PCDH11X: variants seen among roughly 807,000 people sequenced by gnomAD.
The protein encoded by PCDH11X is protocadherin 11 X-linked.
Under a neutral mutation model 53.3 loss-of-function variants are expected in PCDH11X, and 18 were observed. That is an observed-to-expected ratio of 0.34 (90% CI 0.23 to 0.50). The LOEUF (loss-of-function observed/expected upper bound fraction) is 0.50. PCDH11X is among the 20% of genes least tolerant of loss of function. PCDH11X has a pLI of 0.98. For synonymous variants in PCDH11X, 279 were observed against 393.3 expected (o/e 0.71, Z 3.44); for missense variants, 570 against 1,032.4 (o/e 0.55, Z 6.14).
intron 6 of PCDH11X, among the ~76,000 whole-genome samples, chrX:92,114,957 C>T (rs1434175212): frequency 2.7e-5 from 3 of 110,534 alleles, no homozygotes; most frequent in Admixed American, 2.0e-4. Flanking sequence ...TCAGCCTCCC[C>T]GAGTAGCTGG....
chrX:91,965,809 T>G (rs1484929666), intron 6 of PCDH11X, among the ~76,000 whole-genome samples: 3 of 111,997 alleles, frequency 2.7e-5, no homozygotes, highest in Non-Finnish European at 5.6e-5. Context: ...TTTCTCTAAT[T>G]TTTAGAAGCC....
intron 4 of PCDH11X, among the ~76,000 whole-genome samples, chrX:91,817,424 T>C (rs1409905972): frequency 9.5e-6 from 1 of 105,668 alleles, no homozygotes; most frequent in Non-Finnish European, 1.9e-5. Flanking sequence ...TTTAATTTTA[T>C]ACCTTTTTTG....
intron 8 of PCDH11X, among the ~76,000 whole-genome samples, chrX:92,332,386 G>GTGTGTGCATGCATGCACACA (rs201174468): frequency 0.021 from 2,328 of 111,372 alleles, 72 homozygotes; most frequent in African/African-American, 0.07. Context: ...ATAGGTGTGT[G>GTGTGTGCATGCATGCACACA]TGTGTGCATG....
intron 6 of PCDH11X, among the ~76,000 whole-genome samples, chrX:91,903,558 AT>A (rs1409768866): frequency 9.3e-6 from 1 of 108,021 alleles, no homozygotes; most frequent in South Asian, 4.0e-4. Flanking sequence ...ATTCATTCAT[AT>A]TTTTTTATAG....
chrX:92,212,700 G>A (rs934013785), intron 7 of PCDH11X, among the ~76,000 whole-genome samples: 5 of 112,044 alleles, frequency 4.5e-5, no homozygotes, highest in African/African-American at 1.6e-4. Flanking sequence ...ATTCACTGGG[G>A]TCACAAAATA....
At chrX:92,585,713 G>A (rs1386238722) in intron 10 of PCDH11X, among the ~76,000 whole-genome samples, 2 of 110,920 alleles carry the variant, frequency 1.8e-5, no homozygotes, top group East Asian at 5.7e-4. Context: ...TAAACCCAAA[G>A]CATGAGAACA....
At chrX:91,907,412 C>CACACAGAGAGAGAGAGAG (rs756926383) in intron 6 of PCDH11X, among the ~76,000 whole-genome samples, 17 of 57,469 alleles carry the variant, frequency 3.0e-4, no homozygotes, top group Admixed American at 4.5e-4. Context: ...CACACACACA[C>CACACAGAGAGAGAGAGAG]AGAGAGAGAG....
At chrX:92,403,339 G>GTTTTTTTTTTTTT (rs1191277649) in intron 9 of PCDH11X, among the ~76,000 whole-genome samples, 57 of 49,341 alleles carry the variant, frequency 1.2e-3, no homozygotes, top group African/African-American at 3.4e-3. Context: ...GTTTTTTTTT[G>GTTTTTTTTTTTTT]TTTTTTTTTT....
chrX:92,247,733 G>A (rs757482362), intron 7 of PCDH11X, among the ~76,000 whole-genome samples: 13 of 111,705 alleles, frequency 1.2e-4, no homozygotes, highest in Non-Finnish European at 1.7e-4. Context: ...GACGTCAGTC[G>A]TTGGATCTAG....
At chrX:92,144,610 C>T (rs1419145392) in intron 6 of PCDH11X, among the ~76,000 whole-genome samples, 2 of 110,600 alleles carry the variant, frequency 1.8e-5, no homozygotes, top group African/African-American at 6.7e-5. Flanking sequence ...CTTTTTCTTC[C>T]CAGTCTTGGT....
At chrX:92,106,412 T>A (rs1201684357) in intron 6 of PCDH11X, among the ~76,000 whole-genome samples, 1 of 111,889 alleles carries the variant, frequency 8.9e-6, no homozygotes, top group Admixed American at 9.5e-5. Context: ...TTCTGTATGT[T>A]CTTGCCATCT....
At chrX:92,574,408 C>T (rs1391239000) in intron 10 of PCDH11X, among the ~76,000 whole-genome samples, 1 of 97,066 alleles carries the variant, frequency 1.0e-5, no homozygotes, top group African/African-American at 3.9e-5. Flanking sequence ...ATTAGCTCAG[C>T]TTGATAATAC....
chrX:92,419,140 C>T (rs1348654199), intron 9 of PCDH11X, among the ~76,000 whole-genome samples: 2 of 105,689 alleles, frequency 1.9e-5, no homozygotes, highest in African/African-American at 6.8e-5. Context: ...ACTCCATATC[C>T]GTGTTTATAT....
chrX:92,136,872 G>C (rs1205106599), intron 6 of PCDH11X, among the ~76,000 whole-genome samples: 1 of 107,565 alleles, frequency 9.3e-6, no homozygotes, highest in African/African-American at 3.4e-5. Context: ...AATTTGGGAA[G>C]GGGTAGGAAG....
At chrX:91,828,120 CTT>C (rs764755111) in intron 4 of PCDH11X, among the ~76,000 whole-genome samples, 21 of 84,814 alleles carry the variant, frequency 2.5e-4, no homozygotes, top group East Asian at 3.7e-4. Flanking sequence ...AGGCAGAATT[CTT>C]TTTTTTTTTT....
At chrX:91,812,981 A>G (rs986904506) in intron 4 of PCDH11X, among the ~76,000 whole-genome samples, 6 of 111,796 alleles carry the variant, frequency 5.4e-5, no homozygotes, top group Non-Finnish European at 1.1e-4. Flanking sequence ...GGCATTATAT[A>G]TACACCACAT....
chrX:92,122,850 T>C (rs911662838), intron 6 of PCDH11X, among the ~76,000 whole-genome samples: 5 of 110,264 alleles, frequency 4.5e-5, no homozygotes, highest in Non-Finnish European at 9.5e-5. Context: ...GGCAGGAGAG[T>C]TGCTTGAACC....
chrX:92,193,372 T>G (rs1036035124), intron 6 of PCDH11X, among the ~76,000 whole-genome samples: 1 of 111,311 alleles, frequency 9.0e-6, no homozygotes, highest in Non-Finnish European at 1.9e-5. Flanking sequence ...GTATAACTTT[T>G]GTTTTTTGGT....
At chrX:92,148,001 C>CTTTCTT (rs1556068116) in intron 6 of PCDH11X, among the ~76,000 whole-genome samples, 1 of 70,329 alleles carries the variant, frequency 1.4e-5, no homozygotes, top group African/African-American at 8.4e-5. Context: ...TTCTTTCTTT[C>CTTTCTT]TTTCTTTTTC....
Sources: allele counts gnomAD v4.1 joint callset (sites outside exome capture counted in the v4.1 genomes callset), GRCh38; gene constraint gnomAD v4.1.1; transcripts MANE v1.5; gene names NCBI Gene and HGNC (gene_info 2026-07-23, HGNC 2026-07-21).